PHYH: variants seen among roughly 807,000 people sequenced by gnomAD.
PHYH encodes the protein phytanoyl-CoA 2-hydroxylase.
A neutral mutation model predicts 38.5 loss-of-function variants in PHYH; 32 were observed. That is an observed-to-expected ratio of 0.83 (90% CI 0.63 to 1.12). PHYH has a LOEUF of 1.12. Ranked by LOEUF, PHYH falls within the 50% of genes most tolerant of loss-of-function variation. The pLI is 0.00. For synonymous variants in PHYH, 166 were observed against 157.9 expected, an observed-to-expected ratio of 1.05 and a Z score of -0.38; for missense variants, 426 against 434.8, an observed-to-expected ratio of 0.98 and a Z score of 0.18.
At chr10:13,293,244 G>C (rs1320751892) in intron 4 of PHYH, among the ~76,000 whole-genome samples, 1 of 152,018 alleles carries the variant, frequency 6.6e-6, no homozygotes, top group Non-Finnish European at 1.5e-5. Flanking sequence ...AACTTGTACT[G>C]TTATTTAGCC....
chr10:13,277,931 T>G lies in PHYH; in HGVS notation c.*370A>C. On this transcript the variant is annotated 3_prime_UTR_variant, in exon 9 of 9. Coordinates refer to ENST00000263038, the MANE Select transcript of PHYH (RefSeq NM_006214.4). Reference sequence around the variant, plus strand: ...CTTATGACATAAAATTGGTAGGGAATGGGTTTATCAGAAAGGGGATACAAA... The same window carrying G: ...CTTATGACATAAAATTGGTAGGGAAGGGGTTTATCAGAAAGGGGATACAAA... 1 of 316,352 alleles carries G rather than the reference T, an allele frequency of 3.2e-6. No homozygotes were observed. The highest frequency in any genetic ancestry group is 2.2e-5 in the African/African-American group (1 of 46,110). 19.6% of individuals were successfully genotyped at this position (316,352 alleles called of 1,614,324 possible). A position where few individuals can be genotyped will look rare whatever the true frequency, so the allele number is the denominator to read the frequency against.
chr10:13,291,051 C>T (rs745505144), intron 5 of PHYH, among the ~76,000 whole-genome samples: 65 of 135,400 alleles, frequency 4.8e-4, no homozygotes, highest in Non-Finnish European at 8.5e-4. Context: ...TTGCAGTGAG[C>T]CAAGATCGCG....
chr10:13,291,944 C>T lies in PHYH; in HGVS notation c.415-32G>A, dbSNP rs759801893. Reference sequence around the variant, plus strand: ...AAGCAAAAAAAAAACAAAAACAAACCTTGTGGGAAATCAGAAGTATTGACA... The same window carrying T: ...AAGCAAAAAAAAAACAAAAACAAACTTTGTGGGAAATCAGAAGTATTGACA... On this transcript the variant is annotated intron_variant, in intron 4 of 8. Transcript: ENST00000263038. 4.0e-6 allele frequency: 6 copies of T among 1,482,222 alleles called. No homozygotes were observed. In the Admixed American group the frequency reaches 8.4e-5, roughly 21 times the overall value. 91.8% of individuals were successfully genotyped at this position (1,482,222 alleles called of 1,614,324 possible).
rs1435043757 is a variant in PHYH, at chr10:13,283,781, A to C, written c.737T>G (p.Val246Gly). 1 of 1,613,692 alleles carries C rather than the reference A, an allele frequency of 6.2e-7. No homozygotes were observed. The highest frequency in any genetic ancestry group is 8.5e-7 in the Non-Finnish European group (1 of 1,179,838). Residue 246 changes from valine (V) to glycine (G), a missense_variant, in exon 7 of 9, where the codon GTG becomes GGG. Physicochemically the swap from Val to Gly is moderately radical, Grantham distance 109. Transcript: ENST00000263038. ...GTCGCCCTTCTCCATCACCAGGTGC[A>C]CCCGGGCCTTGTTTTCCTCGTAGTC... The part of the protein sequence containing the change: ...IQDYEENKAR[V>G]HLVMEKGDTV...
At chr10:13,290,695 A>G (rs1835688644) in intron 5 of PHYH, among the ~76,000 whole-genome samples, 1 of 152,146 alleles carries the variant, frequency 6.6e-6, no homozygotes, top group Non-Finnish European at 1.5e-5. Flanking sequence ...ATCCACGCCC[A>G]GCTTGAGGAA....
intron 2 of PHYH, among the ~76,000 whole-genome samples, chr10:13,296,960 AAATAAAATAT>A (rs527909171): frequency 1.0e-3 from 156 of 151,896 alleles, no homozygotes; most frequent in Non-Finnish European, 3.1e-4. Flanking sequence ...TCTCAAAATA[AAATAAAATAT>A]AATAAAATAT....
chr10:13,283,724 C>G lies in PHYH; in HGVS notation c.794G>C (p.Gly265Ala). 6.2e-7 allele frequency: 1 copy of G among 1,614,074 alleles called. No individual in the cohort carries two copies. The highest frequency in any genetic ancestry group is 8.5e-7 in the Non-Finnish European group (1 of 1,180,022). The change falls in exon 7 of 9, where the codon GGA (glycine) becomes GCA (alanine). Residue 265 changes from glycine (G) to alanine (A), a missense_variant. Transcript: ENST00000263038. ...TCCCTGGGTTTTATTCTGACCAGAT[C>G]CGTGGATGAGCAAAGGATGGAAGAA... is the stretch of plus-strand genomic sequence containing the variant. ...TVFFHPLLIHGSGQNKTQGFR... is the reference protein window; with the variant it reads ...TVFFHPLLIHASGQNKTQGFR...
chr10:13,299,129 C>CAAA (rs34019384), intron 1 of PHYH, among the ~76,000 whole-genome samples: 1,368 of 126,000 alleles, frequency 0.011, 40 homozygotes, highest in Non-Finnish European at 0.015. Context: ...GGCCCTGTTT[C>CAAA]AAAAAAAAAA....
At chr10:13,279,658 T>C (rs1341322848) in intron 8 of PHYH, among the ~76,000 whole-genome samples, 1 of 152,232 alleles carries the variant, frequency 6.6e-6, no homozygotes, top group Admixed American at 6.5e-5. Context: ...TGTGCTTTTG[T>C]ACTTTACAGA....
chr10:13,290,640 A>G (rs1835686605), intron 5 of PHYH, among the ~76,000 whole-genome samples: 6 of 151,956 alleles, frequency 3.9e-5, no homozygotes, highest in Admixed American at 3.9e-4. Flanking sequence ...GGCTCCAGCG[A>G]TCCTCCCCCC....
intron 1 of PHYH, 23 bp from the exon 2 acceptor site, chr10:13,298,268 T>C: frequency 6.6e-7 from 1 of 1,514,328 alleles, no homozygotes; most frequent in Non-Finnish European, 9.2e-7. Flanking sequence ...TTAAGGCAAA[T>C]AAAGTAAAAT....
At chr10:13,298,103 CATATT>C (rs1478432435) in intron 2 of PHYH, 79 bp downstream of exon 2, 1 of 808,518 alleles carries the variant, frequency 1.2e-6, no homozygotes, top group African/African-American at 1.7e-5. Flanking sequence ...AATCAGGTAA[CATATT>C]ATGTGGTATA....
intron 4 of PHYH, among the ~76,000 whole-genome samples, chr10:13,293,231 C>T (rs767998435): frequency 7.9e-5 from 12 of 152,176 alleles, no homozygotes; most frequent in Non-Finnish European, 1.8e-4. Context: ...CAACTTCTGA[C>T]ATAACTTGTA....
intron 5 of PHYH, among the ~76,000 whole-genome samples, chr10:13,288,922 CAAAAAA>C (rs36019637): frequency 7.3e-5 from 3 of 40,924 alleles, no homozygotes; most frequent in South Asian, 1.7e-3. Context: ...CACCCCCAAC[CAAAAAA>C]AAAAAAAAAA....
chr10:13,288,572 T>G lies in PHYH; in HGVS notation c.497-31A>C, dbSNP rs771767558. Reference sequence around the variant, plus strand: ...AAGAAAACCTGCTACTAAAGGATACTCGAGGCCGAGTGCAGTGGCTCACGC... The same window carrying G: ...AAGAAAACCTGCTACTAAAGGATACGCGAGGCCGAGTGCAGTGGCTCACGC... On this transcript the variant is annotated intron_variant, in intron 5 of 8. Coordinates refer to ENST00000263038, the MANE Select transcript of PHYH (RefSeq NM_006214.4). 3.7e-6 allele frequency: 6 copies of G among 1,611,060 alleles called. No homozygotes were observed. In the South Asian group the frequency reaches 6.6e-5, roughly 18 times the overall value.
chr10:13,296,683 CG>C lies in PHYH; in HGVS notation c.135-1078del, dbSNP rs141309825. On this transcript the variant is annotated intron_variant, in intron 2 of 8. Transcript: ENST00000263038. ...TAAGGCCATATAATAGTATGGATGGCGGGCACAGTGGCTCATGCCTGTAATC... is the reference window on the plus strand; with the variant it reads ...TAAGGCCATATAATAGTATGGATGGCGGCACAGTGGCTCATGCCTGTAATC... Among the ~76,000 whole-genome samples the C allele has an allele frequency of 6.8e-3, 1,027 of 151,762 alleles. 21 individuals carry two copies. Among genetic ancestry groups the C allele is most frequent in the African/African-American group, 0.024 (994 of 41,376 alleles).
intron 5 of PHYH, 29 bp downstream of exon 5, chr10:13,291,802 C>G (rs760763536): frequency 1.4e-6 from 2 of 1,478,544 alleles, no homozygotes; most frequent in East Asian, 2.3e-5. Flanking sequence ...TTAATGAAAC[C>G]ATTTTTTTTT....
chr10:13,284,615 G>C (rs1295898913), intron 6 of PHYH, among the ~76,000 whole-genome samples: 21 of 152,102 alleles, frequency 1.4e-4, no homozygotes, highest in Non-Finnish European at 1.5e-5. Flanking sequence ...CCCAAAATAG[G>C]GGGGAGAAAA....
At chr10:13,284,663 A>G (rs1835502298) in intron 6 of PHYH, among the ~76,000 whole-genome samples, 2 of 152,156 alleles carry the variant, frequency 1.3e-5, no homozygotes, top group South Asian at 4.1e-4. Flanking sequence ...CTTATGTTAC[A>G]TCCAGAATAA....
Sources: allele counts gnomAD v4.1 joint callset (sites outside exome capture counted in the v4.1 genomes callset), GRCh38; gene constraint gnomAD v4.1.1; transcripts MANE v1.5; gene names NCBI Gene and HGNC (gene_info 2026-07-23, HGNC 2026-07-21).